Variants in ZNF236 observed in about 807,000 individuals in gnomAD.
The protein encoded by ZNF236 is regulated by glucose.
Under a neutral mutation model 191.2 loss-of-function variants are expected in ZNF236, and 50 were observed. The observed-to-expected ratio is 0.26, with a 90% confidence interval of 0.21 to 0.33. The LOEUF (loss-of-function observed/expected upper bound fraction) is 0.33. ZNF236 is among the 10% of genes least tolerant of loss of function. The pLI is 1.00. For synonymous variants in ZNF236, 907 were observed against 928.8 expected (o/e 0.98, Z 0.43); for missense variants, 1,754 against 2,374.5 (o/e 0.74, Z 5.43).
intron 28 of ZNF236, among the ~76,000 whole-genome samples, 153 bp downstream of exon 28, chr18:76,956,335 C>T (rs765123365): frequency 4.6e-5 from 7 of 152,196 alleles, no homozygotes; most frequent in Non-Finnish European, 7.4e-5. Flanking sequence ...TGTATTGTTC[C>T]GGTTGTAAGA....
At chr18:76,862,214 G>T (rs1239999618) in intron 3 of ZNF236, among the ~76,000 whole-genome samples, 1 of 152,134 alleles carries the variant, frequency 6.6e-6, no homozygotes, top group Non-Finnish European at 1.5e-5. Flanking sequence ...GAAGAAGCCT[G>T]CAGCCTTCTG....
chr18:76,823,484 C>A (rs1311687132), intron 1 of ZNF236, among the ~76,000 whole-genome samples: 1 of 151,164 alleles, frequency 6.6e-6, no homozygotes, highest in Non-Finnish European at 1.5e-5. Context: ...TTCTGGAGAG[C>A]GCTGTGGGTC....
At chr18:76,897,104 C>T (rs1222341333) in intron 10 of ZNF236, among the ~76,000 whole-genome samples, 2 of 151,402 alleles carry the variant, frequency 1.3e-5, no homozygotes, top group South Asian at 2.1e-4. Flanking sequence ...GGACTGCACA[C>T]AGTACTACAC....
At chr18:76,903,639 G>A (rs774413353) in intron 11 of ZNF236, among the ~76,000 whole-genome samples, 8 of 152,056 alleles carry the variant, frequency 5.3e-5, no homozygotes, top group Non-Finnish European at 1.2e-4. Flanking sequence ...GACTGACTGC[G>A]TGTGTCACCC....
chr18:76,860,405 C>T (rs1231121710), intron 3 of ZNF236, among the ~76,000 whole-genome samples: 2 of 152,352 alleles, frequency 1.3e-5, no homozygotes, highest in Non-Finnish European at 2.9e-5. Context: ...TTTCCTCCAT[C>T]ACTGGAAAGA....
chr18:76,907,350 G>A (rs540946031), intron 13 of ZNF236, among the ~76,000 whole-genome samples: 2 of 152,318 alleles, frequency 1.3e-5, no homozygotes, highest in East Asian at 3.9e-4. Flanking sequence ...TTTTTTGTGT[G>A]TGTGGGTGTT....
At chr18:76,907,742 T>TC (rs1967095760) in intron 13 of ZNF236, among the ~76,000 whole-genome samples, 2 of 152,162 alleles carry the variant, frequency 1.3e-5, no homozygotes, top group South Asian at 2.1e-4. Context: ...AATTCATTGT[T>TC]CATCTTTTCC....
chr18:76,918,418 T>C (rs1189769330), intron 19 of ZNF236, among the ~76,000 whole-genome samples: 1 of 152,138 alleles, frequency 6.6e-6, no homozygotes, highest in African/African-American at 2.4e-5. Context: ...ATAAATGCTA[T>C]GTAAATAGTT....
intron 1 of ZNF236, among the ~76,000 whole-genome samples, chr18:76,845,578 C>T (rs1005612356): frequency 5.9e-5 from 9 of 152,076 alleles, no homozygotes; most frequent in African/African-American, 2.2e-4. Context: ...GGGCTGGGCA[C>T]GGTGGCTCAT....
intron 20 of ZNF236, among the ~76,000 whole-genome samples, chr18:76,921,838 C>T (rs1288747639): frequency 2.2e-5 from 3 of 136,854 alleles, no homozygotes; most frequent in Admixed American, 1.7e-4. Context: ...GAGAACGGGA[C>T]GTTCTTATAG....
chr18:76,879,965 T>G (rs542569156), intron 7 of ZNF236, 148 bp from the exon 8 acceptor site: 1 of 692,602 alleles, frequency 1.4e-6, no homozygotes, highest in South Asian at 2.0e-5. Context: ...CCAGAATCAG[T>G]GAGGCATTAT....
At chr18:76,903,493 G>A (rs946477514) in intron 11 of ZNF236, among the ~76,000 whole-genome samples, 1 of 152,196 alleles carries the variant, frequency 6.6e-6, no homozygotes, top group Non-Finnish European at 1.5e-5. Context: ...GGTGCATCAT[G>A]CTAATCATTG....
intron 27 of ZNF236, 102 bp downstream of exon 27, chr18:76,947,754 G>A (rs1323293760): frequency 2.1e-6 from 3 of 1,417,988 alleles, no homozygotes; most frequent in Non-Finnish European, 2.8e-6. Flanking sequence ...GTGTGACCCA[G>A]GTGGCTGGGG....
chr18:76,956,656 C>T (rs573174680), intron 28 of ZNF236, among the ~76,000 whole-genome samples: 79 of 152,340 alleles, frequency 5.2e-4, no homozygotes, highest in Non-Finnish European at 7.1e-4. Flanking sequence ...CCCACGCTTT[C>T]CACTGCAGCA....
Position 76,937,263 on chromosome 18 carries a change from A to G in ZNF236, c.4702A>G (p.Ser1568Gly). The G allele has an allele frequency of 6.2e-7, 1 of 1,614,162 alleles. No individual in the cohort carries two copies. The highest frequency in any genetic ancestry group is 1.3e-5 in the African/African-American group (1 of 75,038). Residue 1568 changes from serine (S) to glycine (G), a missense_variant, in exon 26 of 31, where the codon AGT becomes GGT. This residue lies in a region of ZNF236 where 606 missense variants were observed against 761.5 expected (regional missense o/e 0.80). Transcript: ENST00000320610. Reference sequence around the variant, plus strand: ...CTCGTCGGGCGTGGGAGGTGACGCTAGTGTCACGCTGACGCTGGCCGATAC... The same window carrying G: ...CTCGTCGGGCGTGGGAGGTGACGCTGGTGTCACGCTGACGCTGGCCGATAC... ...MSSSGVGGDA[S>G]VTLTLADTQG...
intron 17 of ZNF236, among the ~76,000 whole-genome samples, chr18:76,913,071 T>C (rs1172166120): frequency 6.6e-6 from 1 of 152,232 alleles, no homozygotes. Flanking sequence ...TAGGTTATAG[T>C]GTAGGGACGT....
chr18:76,903,483 G>A (rs1977658754), intron 11 of ZNF236, among the ~76,000 whole-genome samples: 1 of 152,214 alleles, frequency 6.6e-6, no homozygotes, highest in Non-Finnish European at 1.5e-5. Flanking sequence ...TGTGTTCAGA[G>A]GTGCATCATG....
chr18:76,837,842 A>C (rs1975381294), intron 1 of ZNF236, among the ~76,000 whole-genome samples: 1 of 152,210 alleles, frequency 6.6e-6, no homozygotes, highest in African/African-American at 2.4e-5. Context: ...TGGATGATAA[A>C]TATATGTGTT....
intron 3 of ZNF236, among the ~76,000 whole-genome samples, chr18:76,859,241 C>T (rs1024932251): frequency 2.3e-4 from 33 of 140,572 alleles, no homozygotes; most frequent in Admixed American, 7.2e-5. Flanking sequence ...GGGGAGAGGG[C>T]TCAGGTGGAG....
Sources: allele counts gnomAD v4.1 joint callset (sites outside exome capture counted in the v4.1 genomes callset), GRCh38; gene constraint gnomAD v4.1.1; regional missense constraint gnomAD v4.1.1; transcripts MANE v1.5; gene names NCBI Gene and HGNC (gene_info 2026-07-23, HGNC 2026-07-21).